ICAM2: variants seen among roughly 807,000 people sequenced by gnomAD.
ICAM2 encodes the protein intercellular adhesion molecule 2.
ICAM2 carries 14 observed loss-of-function variants against 19.1 expected under a neutral mutation model. That is an observed-to-expected ratio of 0.73 (90% CI 0.48 to 1.15). ICAM2 has a LOEUF of 1.15. Ranked by LOEUF, ICAM2 falls within the 50% of genes most tolerant of loss-of-function variation. The probability of loss-of-function intolerance (pLI) is 0.00; values close to 1 mark genes in which losing one functional copy is unlikely to be tolerated. For synonymous variants in ICAM2, 153 were observed against 152.7 expected, an observed-to-expected ratio of 1.00 and a Z score of -0.01; for missense variants, 311 against 355.4, an observed-to-expected ratio of 0.88 and a Z score of 1.00.
chr17:64,014,376 A>AAAGGAAGG (rs1168049231), intron 1 of ICAM2, among the ~76,000 whole-genome samples: 26 of 55,416 alleles, frequency 4.7e-4, no homozygotes, highest in African/African-American at 1.6e-3. Context: ...AGAAAGAAAG[A>AAAGGAAGG]AAGGAAGGAA....
intron 1 of ICAM2, among the ~76,000 whole-genome samples, chr17:64,009,127 C>T (rs1200680879): frequency 6.6e-6 from 1 of 152,202 alleles, no homozygotes; most frequent in Admixed American, 6.5e-5. Context: ...AGCTGAATCT[C>T]ATGTACTGCT....
Position 64,002,928 on chromosome 17 carries a change from G to C in ICAM2, c.650-3C>G, listed in dbSNP as rs1048413423. 6.2e-7 allele frequency: 1 copy of C among 1,612,664 alleles called. No individual in the cohort carries two copies. The highest frequency in any genetic ancestry group is 8.5e-7 in the Non-Finnish European group (1 of 1,179,232). On this transcript the variant is annotated splice_polypyrimidine_tract_variant and splice_region_variant and intron_variant, in intron 4 of 4. Transcript: ENST00000579788. ...CATCTGGCTGTCCGACACAGGCTCT[G>C]GGGAGGGAGGGGGCAAGGGTCTTAG... is the stretch of plus-strand genomic sequence containing the variant.
At chr17:64,014,279 G>C (rs1038807372) in intron 1 of ICAM2, among the ~76,000 whole-genome samples, 1 of 140,050 alleles carries the variant, frequency 7.1e-6, no homozygotes, top group Non-Finnish European at 1.5e-5. Flanking sequence ...TTTGAGACAG[G>C]CCTGGGCAAC....
chr17:64,013,154 A>T (rs1911522145), intron 1 of ICAM2, among the ~76,000 whole-genome samples: 1 of 152,116 alleles, frequency 6.6e-6, no homozygotes, highest in African/African-American at 2.4e-5. Context: ...TCTACTAAAA[A>T]TACAAAAATT....
chr17:64,008,512 C>T (rs956136334), intron 1 of ICAM2, among the ~76,000 whole-genome samples: 11 of 152,202 alleles, frequency 7.2e-5, no homozygotes, highest in African/African-American at 2.7e-4. Context: ...AATTAATCCC[C>T]TAACTCTCTG....
chr17:64,016,897 G>A (rs1019550816), intron 1 of ICAM2, among the ~76,000 whole-genome samples: 1 of 152,162 alleles, frequency 6.6e-6, no homozygotes, highest in African/African-American at 2.4e-5. Context: ...AAAAACATAC[G>A]ATAATATCAA....
At chr17:64,004,941 C>T (rs1244649158) in intron 3 of ICAM2, 166 bp downstream of exon 3, 3 of 748,682 alleles carry the variant, frequency 4.0e-6, no homozygotes, top group East Asian at 5.4e-5. Context: ...TCAAGGCATC[C>T]AACCAAGGGC....
At chr17:64,011,990 C>A (rs1045635659) in intron 1 of ICAM2, among the ~76,000 whole-genome samples, 1 of 152,062 alleles carries the variant, frequency 6.6e-6, no homozygotes, top group East Asian at 1.9e-4. Context: ...GCATTATTCA[C>A]AATAGACAAG....
intron 1 of ICAM2, among the ~76,000 whole-genome samples, chr17:64,016,083 A>G (rs1289698839): frequency 6.6e-6 from 1 of 152,216 alleles, no homozygotes; most frequent in Admixed American, 6.5e-5. Context: ...GTGTAACCTT[A>G]ATATCTAAAC....
In ICAM2 at chr17:64,002,654, TCA is replaced by T. The variant is rs757652887; in HGVS notation, c.*91_*92del. The T allele has an allele frequency of 8.6e-7, 1 of 1,165,266 alleles. No homozygotes were observed. The highest frequency in any genetic ancestry group is 1.2e-6 in the Non-Finnish European group (1 of 816,498). The allele number at this position is 1,165,266 out of a possible 1,614,324, so 72.2% of individuals were successfully genotyped here. ...CAATGTCCCAAGTCTCTGCTGCCTG[TCA>T]CAGTCCTTCAGCCAGGGCTGGACCT... On this transcript the variant is annotated 3_prime_UTR_variant, in exon 5 of 5. Transcript: ENST00000579788.
Position 64,020,570 on chromosome 17 carries a change from T to TGGTGACAA in ICAM2, c.-100_-93dup, listed in dbSNP as rs961598408. On this transcript the variant is annotated 5_prime_UTR_variant, in exon 1 of 5. Transcript: ENST00000579788. Reference sequence around the variant, plus strand: ...AGCTCTGGGATCCCGGGCAGGAAATTGGTGACAAGGTGACAAGGTGCGCGT... The same window carrying TGGTGACAA: ...AGCTCTGGGATCCCGGGCAGGAAATTGGTGACAAGGTGACAAGGTGACAAGGTGCGCGT... 1.3e-5 allele frequency: 2 copies of TGGTGACAA among 152,054 alleles called. No individual in the cohort carries two copies. The highest frequency in any genetic ancestry group is 2.4e-5 in the African/African-American group (1 of 41,376). The allele number at this position is 152,054 out of a possible 1,614,324, so 9.4% of individuals were successfully genotyped here.
At chr17:64,016,577 G>C (rs992430562) in intron 1 of ICAM2, among the ~76,000 whole-genome samples, 1 of 152,274 alleles carries the variant, frequency 6.6e-6, no homozygotes, top group African/African-American at 2.4e-5. Flanking sequence ...ACAGGAGCCA[G>C]TGGATATACT....
At chr17:64,014,310 A>AGAAGGAAG (rs1244436832) in intron 1 of ICAM2, among the ~76,000 whole-genome samples, 429 of 23,978 alleles carry the variant, frequency 0.018, 34 homozygotes, top group East Asian at 0.047. Context: ...CACATCTGAA[A>AGAAGGAAG]GAAGGAAGGA....
chr17:64,018,333 C>CAAAAAAA (rs376250303), intron 1 of ICAM2, among the ~76,000 whole-genome samples: 10 of 52,630 alleles, frequency 1.9e-4, no homozygotes, highest in South Asian at 1.3e-3. Context: ...GACTCTATCT[C>CAAAAAAA]AAAAAAAAAA....
In ICAM2 at chr17:64,005,174, C is replaced by G. The variant is rs751624787; in HGVS notation, c.261G>C (p.Thr87=). The change falls in exon 3 of 5, where the codon ACG becomes ACC. Residue 87 remains threonine, a synonymous_variant. Coordinates refer to ENST00000579788, the MANE Select transcript of ICAM2 (RefSeq NM_001099789.2). ...AGCAGGTGAAGTGGCATTGGAGGAC[C>G]GTGTCATGGGAGATGTTTGAGACCA... ...HYLVSNISHD[T]VLQCHFTCSG... The G allele has an allele frequency of 8.1e-6, 13 of 1,613,968 alleles. No homozygotes were observed. Among genetic ancestry groups the G allele is most frequent in the Non-Finnish European group, 1.1e-5 (13 of 1,180,016 alleles).
chr17:64,015,631 T>G (rs1911690943), intron 1 of ICAM2, among the ~76,000 whole-genome samples: 1 of 151,942 alleles, frequency 6.6e-6, no homozygotes, highest in Non-Finnish European at 1.5e-5. Context: ...TCACAACTAC[T>G]TGGGAGGTGG....
In ICAM2 at chr17:64,005,151, C is replaced by G. The variant is rs1032528501; in HGVS notation, c.284G>C (p.Cys95Ser). 1 of 1,614,150 alleles carries G rather than the reference C, an allele frequency of 6.2e-7. No homozygotes were observed. The highest frequency in any genetic ancestry group is 1.7e-5 in the Admixed American group (1 of 60,024). The change falls in exon 3 of 5, where the codon TGC (cysteine) becomes TCC (serine). Residue 95 changes from cysteine to serine, a missense_variant. Cys to Ser is a moderately radical substitution (Grantham distance 112). Transcript: ENST00000579788. ...ATTCATTGACTCCTGCTTCCCGGAGCAGGTGAAGTGGCATTGGAGGACCGT... is the reference window on the plus strand; with the variant it reads ...ATTCATTGACTCCTGCTTCCCGGAGGAGGTGAAGTGGCATTGGAGGACCGT... ...HDTVLQCHFT[C>S]SGKQESMNSN...
chr17:64,005,469 G>A (rs1911143669), intron 2 of ICAM2, 96 bp from the exon 3 acceptor site: 2 of 1,381,668 alleles, frequency 1.4e-6, no homozygotes, highest in Admixed American at 4.1e-5. Context: ...CTGGGTCAGG[G>A]ACTGAAGAGG....
At chr17:64,017,021 T>G (rs1247358934) in intron 1 of ICAM2, among the ~76,000 whole-genome samples, 1 of 152,242 alleles carries the variant, frequency 6.6e-6, no homozygotes, top group Non-Finnish European at 1.5e-5. Flanking sequence ...TTCTATGTTG[T>G]TTTTAATGAG....
Sources: allele counts gnomAD v4.1 joint callset (sites outside exome capture counted in the v4.1 genomes callset), GRCh38; gene constraint gnomAD v4.1.1; transcripts MANE v1.5; gene names NCBI Gene and HGNC (gene_info 2026-07-23, HGNC 2026-07-21).